Variants in SRGAP1 observed in about 807,000 individuals in gnomAD.
SRGAP1 encodes SLIT-ROBO Rho GTPase activating protein 1.
In SRGAP1, 43 loss-of-function variants were observed where a neutral mutation model predicts 121.9. That is an observed-to-expected ratio of 0.35 (90% CI 0.28 to 0.46). SRGAP1 has a LOEUF of 0.46. Among genes scored for constraint, SRGAP1 ranks in the 20% least tolerant of loss-of-function variants. The probability of loss-of-function intolerance (pLI) is 1.00; values close to 1 mark genes in which losing one functional copy is unlikely to be tolerated. For missense variants in SRGAP1, 1,102 were observed against 1,350.9 expected (o/e 0.82, Z 2.89); for synonymous variants, 447 against 485.4 (o/e 0.92, Z 1.04).
chr12:63,845,876 T>C (rs889710787), intron 1 of SRGAP1, among the ~76,000 whole-genome samples: 4 of 152,194 alleles, frequency 2.6e-5, no homozygotes, highest in Admixed American at 2.6e-4. Flanking sequence ...CACCTGTGTT[T>C]ATCTATGCAC....
intron 6 of SRGAP1, among the ~76,000 whole-genome samples, chr12:64,056,206 C>T (rs2035337975): frequency 6.6e-6 from 1 of 152,134 alleles, no homozygotes; most frequent in African/African-American, 2.4e-5. Flanking sequence ...TGCCACTTCT[C>T]ACTAGCTGTA....
At chr12:64,138,422 C>G (rs1163829755) in intron 21 of SRGAP1, among the ~76,000 whole-genome samples, 1 of 147,358 alleles carries the variant, frequency 6.8e-6, no homozygotes, top group Non-Finnish European at 1.5e-5. Context: ...AACTTCCCCC[C>G]TTTTACTATC....
intron 3 of SRGAP1, among the ~76,000 whole-genome samples, chr12:64,007,420 G>A (rs141488949): frequency 6.6e-5 from 10 of 152,176 alleles, no homozygotes; most frequent in East Asian, 3.9e-4. Flanking sequence ...CTAATGCTGC[G>A]GCTGATCGGA....
chr12:64,107,524 A>G (rs1306500953), intron 15 of SRGAP1, among the ~76,000 whole-genome samples: 1 of 152,192 alleles, frequency 6.6e-6, no homozygotes, highest in Non-Finnish European at 1.5e-5. Context: ...TTCAAGGGAG[A>G]AAAATGAAGC....
Position 64,082,001 on chromosome 12 carries a change from C to CTTTTTTT in SRGAP1, c.1408+1646_1408+1652dup. 159 of 66,130 alleles carry CTTTTTTT rather than the reference C, an allele frequency of 2.4e-3. 25 individuals are homozygous for CTTTTTTT. The highest frequency in any genetic ancestry group is 6.5e-3 in the African/African-American group (100 of 15,462). The allele number at this position is 66,130 out of a possible 1,614,324, so 4.1% of individuals were successfully genotyped here. ...TTTCCCTCACAGTGTCATGTAAGGT[C>CTTTTTTT]TTTTTTTTTTTTTTTTTTTTTCAAT... On this transcript the variant is annotated intron_variant, in intron 10 of 21. Coordinates refer to ENST00000355086, the MANE Select transcript of SRGAP1 (RefSeq NM_020762.4).
chr12:64,040,022 C>T (rs1426481958), intron 4 of SRGAP1, among the ~76,000 whole-genome samples: 2 of 152,126 alleles, frequency 1.3e-5, no homozygotes, highest in African/African-American at 4.8e-5. Context: ...ATGCCTTTAA[C>T]ATGATTTACC....
chr12:64,000,375 G>C (rs568688172), intron 3 of SRGAP1, among the ~76,000 whole-genome samples: 2 of 152,036 alleles, frequency 1.3e-5, no homozygotes, highest in South Asian at 2.1e-4. Flanking sequence ...TTGGGAGGCT[G>C]AAGTGGGAGG....
chr12:63,861,057 T>G (rs1899429002), intron 1 of SRGAP1, among the ~76,000 whole-genome samples: 2 of 151,778 alleles, frequency 1.3e-5, no homozygotes, highest in African/African-American at 4.8e-5. Context: ...TTGTATTTAT[T>G]TTCTCAGTTA....
intron 15 of SRGAP1, among the ~76,000 whole-genome samples, chr12:64,098,214 C>G (rs1358642803): frequency 2.0e-5 from 3 of 152,076 alleles, no homozygotes; most frequent in South Asian, 2.1e-4. Flanking sequence ...AAACATCTCA[C>G]TACTCATCCC....
At chr12:64,075,262 A>C (rs2035715584) in intron 8 of SRGAP1, among the ~76,000 whole-genome samples, 1 of 152,270 alleles carries the variant, frequency 6.6e-6, no homozygotes, top group African/African-American at 2.4e-5. Context: ...TTAAAGGAAT[A>C]GGTTGGGCTA....
chr12:63,858,859 T>C (rs1899346090), intron 1 of SRGAP1, among the ~76,000 whole-genome samples: 1 of 152,070 alleles, frequency 6.6e-6, no homozygotes, highest in Admixed American at 6.5e-5. Flanking sequence ...CGTGCCACCA[T>C]GCCCAGCTAA....
rs1256987883 is a variant in SRGAP1 at position 64,143,489 on chromosome 12, ACTC to A, written c.*822_*824del. The A allele has an allele frequency of 6.6e-6, 1 of 152,028 alleles. No individual in the cohort carries two copies. Among genetic ancestry groups the A allele is most frequent in the Non-Finnish European group, 1.5e-5 (1 of 68,024 alleles). The allele number at this position is 152,028 out of a possible 1,614,324, so 9.4% of individuals were successfully genotyped here. A position where few individuals can be genotyped will look rare whatever the true frequency, so the allele number is the denominator to read the frequency against. On this transcript the variant is annotated 3_prime_UTR_variant, in exon 22 of 22. Transcript: ENST00000355086. ...ACTTTCTGGTTACACTACTCCACGA[ACTC>A]CTCCAAAGATCCGTTATTCAATAAC...
intron 7 of SRGAP1, 76 bp from the exon 8 acceptor site, chr12:64,065,042 A>G: frequency 9.6e-7 from 1 of 1,046,056 alleles, no homozygotes; most frequent in Non-Finnish European, 1.4e-6. Flanking sequence ...TTCATGCATC[A>G]TTTAAATAAC....
intron 1 of SRGAP1, among the ~76,000 whole-genome samples, chr12:63,976,690 T>G (rs1236992916): frequency 6.6e-6 from 1 of 152,218 alleles, no homozygotes; most frequent in African/African-American, 2.4e-5. Context: ...GCTTTTCACT[T>G]ATATCATCTC....
chr12:63,861,997 T>C (rs995880108), intron 1 of SRGAP1, among the ~76,000 whole-genome samples: 1 of 152,098 alleles, frequency 6.6e-6, no homozygotes, highest in African/African-American at 2.4e-5. Flanking sequence ...GGCGCATGCC[T>C]GTAATCCCAG....
At chr12:64,043,260 C>T (rs2035059374) in intron 5 of SRGAP1, among the ~76,000 whole-genome samples, 187 bp from the exon 6 acceptor site, 1 of 152,154 alleles carries the variant, frequency 6.6e-6, no homozygotes, top group Non-Finnish European at 1.5e-5. Context: ...TATTATTCCC[C>T]ATAGCTGGGT....
At chr12:64,029,927 A>G (rs1017567872) in intron 4 of SRGAP1, among the ~76,000 whole-genome samples, 1 of 151,792 alleles carries the variant, frequency 6.6e-6, no homozygotes, top group African/African-American at 2.4e-5. Flanking sequence ...ATAAATGAAT[A>G]AATAAATAAA....
At chr12:63,957,267 G>A (rs1323028205) in intron 1 of SRGAP1, among the ~76,000 whole-genome samples, 2 of 152,194 alleles carry the variant, frequency 1.3e-5, no homozygotes, top group Non-Finnish European at 2.9e-5. Flanking sequence ...ACTGGTCCAG[G>A]TGAAGACCTG....
intron 11 of SRGAP1, among the ~76,000 whole-genome samples, chr12:64,087,371 G>A (rs1277853902): frequency 3.3e-5 from 5 of 152,092 alleles, no homozygotes; most frequent in Admixed American, 6.5e-5. Context: ...AAAATACGAC[G>A]TGTACATCTA....
Sources: allele counts gnomAD v4.1 joint callset (sites outside exome capture counted in the v4.1 genomes callset), GRCh38; gene constraint gnomAD v4.1.1; transcripts MANE v1.5; gene names NCBI Gene and HGNC (gene_info 2026-07-23, HGNC 2026-07-21).